KIRREL3: variants seen among roughly 807,000 people sequenced by gnomAD.
The protein encoded by KIRREL3 is kin of IRRE-like protein 3.
A neutral mutation model predicts 89.7 loss-of-function variants in KIRREL3; 36 were observed. The ratio of observed to expected loss-of-function variants is 0.40; its 90% CI spans 0.31 to 0.53. KIRREL3 has a LOEUF of 0.53. Ranked by LOEUF, KIRREL3 falls within the 20% of genes least tolerant of loss-of-function variation. The pLI, the probability that KIRREL3 is intolerant of heterozygous loss-of-function variation, is 0.49. For synonymous variants in KIRREL3, 445 were observed against 441.4 expected (o/e 1.01, Z -0.10); for missense variants, 864 against 1,056.6 (o/e 0.82, Z 2.53).
Position 126,485,472 on chromosome 11 carries a change from G to GT in KIRREL3, c.434-12007dup, listed in dbSNP as rs1957335835. Among the ~76,000 whole-genome samples the GT allele has an allele frequency of 6.6e-6, 1 of 152,164 alleles. No homozygotes were observed. Among genetic ancestry groups the GT allele is most frequent in the Non-Finnish European group, 1.5e-5 (1 of 68,028 alleles). On this transcript the variant is annotated intron_variant, in intron 4 of 16. Coordinates refer to ENST00000525144, the MANE Select transcript of KIRREL3 (RefSeq NM_032531.4). The surrounding 1 kb of genome is among the most constrained non-coding windows in gnomAD (Gnocchi z 5.8). Reference sequence around the variant, plus strand: ...TCTGGCTCCGTCATTCACTGGCCACGTGACCATGTGCAAATTCTCTGTGCT... The same window carrying GT: ...TCTGGCTCCGTCATTCACTGGCCACGTTGACCATGTGCAAATTCTCTGTGCT...
At position 126,766,384 on chromosome 11, in the gene KIRREL3, A is replaced by G. The variant is rs1370241714; in HGVS notation, c.56-203472T>C. ...TACGCGGAGAAGAAAAAACTTGGGG[A>G]GAGAGGGGTAGAGTTAGAATCTTCT... On this transcript the variant is annotated intron_variant, in intron 1 of 16. Transcript: ENST00000525144. The surrounding 1 kb of genome is among the most constrained non-coding windows in gnomAD (Gnocchi z 4.2). Among the ~76,000 whole-genome samples the G allele has an allele frequency of 4.6e-5, 7 of 152,130 alleles. No individual in the cohort carries two copies. Among genetic ancestry groups the G allele is most frequent in the African/African-American group, 1.7e-4 (7 of 41,424 alleles).
At position 126,978,674 on chromosome 11, in the gene KIRREL3, C is replaced by G. The variant is rs570808309; in HGVS notation, c.55+21781G>C. On this transcript the variant is annotated intron_variant, in intron 1 of 16. Coordinates refer to ENST00000525144, the MANE Select transcript of KIRREL3 (RefSeq NM_032531.4). The surrounding 1 kb of genome is among the most constrained non-coding windows in gnomAD (Gnocchi z 4.2). Reference sequence around the variant, plus strand: ...TACTCCCTCTTCTCCTCATCCCGCTCTCTGCCCATTTTCTTAGCTAATGTC... The same window carrying G: ...TACTCCCTCTTCTCCTCATCCCGCTGTCTGCCCATTTTCTTAGCTAATGTC... 6.6e-6 allele frequency among the ~76,000 whole-genome samples: 1 copy of G among 152,316 alleles called. No homozygotes were observed. Among genetic ancestry groups the G allele is most frequent in the African/African-American group, 2.4e-5 (1 of 41,562 alleles).
At position 126,814,513 on chromosome 11, in the gene KIRREL3, C is replaced by T. The variant is rs1951495129; in HGVS notation, c.55+185942G>A. Reference sequence around the variant, plus strand: ...ATTCACAATAGCAAAGACATGGAATCTACCTAAATGCCCATCAATGATAGA... The same window carrying T: ...ATTCACAATAGCAAAGACATGGAATTTACCTAAATGCCCATCAATGATAGA... On this transcript the variant is annotated intron_variant, in intron 1 of 16. Transcript: ENST00000525144. This position sits in a 1 kb window ranked among gnomAD's most constrained non-coding sequence, Gnocchi z 4.4. Among the ~76,000 whole-genome samples the T allele has an allele frequency of 6.6e-6, 1 of 152,158 alleles. No individual in the cohort carries two copies. Among genetic ancestry groups the T allele is most frequent in the Admixed American group, 6.5e-5 (1 of 15,288 alleles).
chr11:126,657,746 C>G (rs1026180542), intron 1 of KIRREL3, among the ~76,000 whole-genome samples: 2 of 152,214 alleles, frequency 1.3e-5, no homozygotes, highest in Admixed American at 1.3e-4. Context: ...CTGCGCAACT[C>G]TGATTGTGTC....
rs1400817943 is a variant in KIRREL3 at position 126,976,149 on chromosome 11, C to G, written c.55+24306G>C. 2.6e-5 allele frequency among the ~76,000 whole-genome samples: 4 copies of G among 151,958 alleles called. No homozygotes were observed. The highest frequency in any genetic ancestry group is 9.7e-5 in the African/African-American group (4 of 41,348). ...AAGCACATTATTTGTCACCATGCCA[C>G]ATTGTTAGCTCATATTGAGATTTCA... On this transcript the variant is annotated intron_variant, in intron 1 of 16. Coordinates refer to ENST00000525144, the MANE Select transcript of KIRREL3 (RefSeq NM_032531.4). This position sits in a 1 kb window ranked among gnomAD's most constrained non-coding sequence, Gnocchi z 4.2.
intron 1 of KIRREL3, among the ~76,000 whole-genome samples, chr11:126,899,432 T>C (rs532811640): frequency 6.6e-6 from 1 of 152,266 alleles, no homozygotes; most frequent in Admixed American, 6.5e-5. Flanking sequence ...CTATCCTAAC[T>C]GACAAAGGAA....
At chr11:126,720,424 G>A (rs142978442) in intron 1 of KIRREL3, among the ~76,000 whole-genome samples, 89 of 152,272 alleles carry the variant, frequency 5.8e-4, no homozygotes, top group Non-Finnish European at 1.1e-3. Flanking sequence ...AAATTCCAAT[G>A]AAATCTCAAA....
chr11:126,589,619 G>A (rs1257377558), intron 1 of KIRREL3, among the ~76,000 whole-genome samples: 1 of 152,236 alleles, frequency 6.6e-6, no homozygotes, highest in East Asian at 1.9e-4. Context: ...TCATCACACA[G>A]CAGTGCTGGG....
chr11:126,617,804 A>T (rs1323599803), intron 1 of KIRREL3, among the ~76,000 whole-genome samples: 2 of 152,244 alleles, frequency 1.3e-5, no homozygotes, highest in Non-Finnish European at 2.9e-5. Context: ...GTATATAAGT[A>T]GCAAAACTAA....
chr11:126,964,298 A>C (rs1365166010), intron 1 of KIRREL3, among the ~76,000 whole-genome samples: 1 of 152,224 alleles, frequency 6.6e-6, no homozygotes, highest in Non-Finnish European at 1.5e-5. Context: ...GTTATTGATT[A>C]GCATGGTCAG....
intron 1 of KIRREL3, among the ~76,000 whole-genome samples, chr11:126,974,121 T>C (rs1358565425): frequency 6.6e-6 from 1 of 152,138 alleles, no homozygotes; most frequent in Admixed American, 6.5e-5. Context: ...ATATTGCAAA[T>C]GCCATCTCCA....
intron 1 of KIRREL3, among the ~76,000 whole-genome samples, chr11:126,585,935 T>G (rs142221031): frequency 6.6e-6 from 1 of 152,258 alleles, no homozygotes; most frequent in African/African-American, 2.4e-5. Context: ...ATGTTTTTCT[T>G]GGCAAATAAA....
rs1945318835 is a variant in KIRREL3, at chr11:126,877,048, G to GT, written c.55+123406dup. On this transcript the variant is annotated intron_variant, in intron 1 of 16. Transcript: ENST00000525144. This position sits in a 1 kb window ranked among gnomAD's most constrained non-coding sequence, Gnocchi z 4.9. ...GAGGTCTGCATAAGAATAAAGGTTG[G>GT]TTGTGGCGCTTGGCCAAAGCAGGGC... Among the ~76,000 whole-genome samples, 1 of 152,184 alleles carries GT rather than the reference G, an allele frequency of 6.6e-6. No individual in the cohort carries two copies. The highest frequency in any genetic ancestry group is 1.5e-5 in the Non-Finnish European group (1 of 68,030).
chr11:126,602,843 T>C (rs779259341), intron 1 of KIRREL3, among the ~76,000 whole-genome samples: 27 of 152,180 alleles, frequency 1.8e-4, no homozygotes, highest in Non-Finnish European at 3.4e-4. Context: ...GAGCTTTTCA[T>C]GAGCTGCTCT....
In KIRREL3 at chr11:126,808,785, C is replaced by T. The variant is rs973509032; in HGVS notation, c.55+191670G>A. On this transcript the variant is annotated intron_variant, in intron 1 of 16. Coordinates refer to ENST00000525144, the MANE Select transcript of KIRREL3 (RefSeq NM_032531.4). The surrounding 1 kb of genome is among the most constrained non-coding windows in gnomAD (Gnocchi z 4.1). ...TGAGACGGAGAATATATTTTGCCAT[C>T]TCAGTGCTTCTAGAAAAGATAAGGG... Among the ~76,000 whole-genome samples, 2 of 152,162 alleles carry T rather than the reference C, an allele frequency of 1.3e-5. No homozygotes were observed. Among genetic ancestry groups the T allele is most frequent in the Non-Finnish European group, 2.9e-5 (2 of 68,026 alleles).
intron 13 of KIRREL3, among the ~76,000 whole-genome samples, chr11:126,434,182 T>C (rs572704362): frequency 6.6e-6 from 1 of 152,342 alleles, no homozygotes; most frequent in African/African-American, 2.4e-5. Flanking sequence ...GAGCCTTCCC[T>C]GCATGGCTCC....
In KIRREL3 at chr11:126,431,059, G is replaced by T; in HGVS notation, c.1696+360C>A. On this transcript the variant is annotated intron_variant, in intron 14 of 16. Coordinates refer to ENST00000525144, the MANE Select transcript of KIRREL3 (RefSeq NM_032531.4). The surrounding 1 kb of genome is among the most constrained non-coding windows in gnomAD (Gnocchi z 7.1). ...TTATTTTTATTTTGTTGTAGAGATG[G>T]GGTCTCTCTAGACTAACAGCTCTTG... 1 of 1,282,532 alleles carries T rather than the reference G, an allele frequency of 7.8e-7. No homozygotes were observed. Among genetic ancestry groups the T allele is most frequent in the Non-Finnish European group, 9.8e-7 (1 of 1,015,702 alleles). 79.4% of individuals were successfully genotyped at this position (1,282,532 alleles called of 1,614,324 possible).
intron 2 of KIRREL3, among the ~76,000 whole-genome samples, chr11:126,548,218 A>G (rs985296862): frequency 2.0e-5 from 3 of 151,978 alleles, no homozygotes; most frequent in African/African-American, 7.3e-5. Flanking sequence ...CCATCTCCCC[A>G]ATGGACCTGA....
intron 1 of KIRREL3, among the ~76,000 whole-genome samples, chr11:126,732,041 T>A (rs1252546316): frequency 1.3e-5 from 2 of 152,204 alleles, no homozygotes; most frequent in African/African-American, 4.8e-5. Flanking sequence ...CTGGCTTCTC[T>A]GCTGGTTTCC....
Sources: allele counts gnomAD v4.1 joint callset (sites outside exome capture counted in the v4.1 genomes callset), GRCh38; gene constraint gnomAD v4.1.1; non-coding constraint Gnocchi (gnomAD v3.1); transcripts MANE v1.5; gene names NCBI Gene and HGNC (gene_info 2026-07-23, HGNC 2026-07-21).